The following OTUD7A variants were observed in gnomAD, a reference collection of about 807,000 sequenced individuals.
OTUD7A encodes OTU deubiquitinase 7A, also known as OTU domain-containing protein 7A.
A neutral mutation model predicts 65.7 loss-of-function variants in OTUD7A; 12 were observed. That is an observed-to-expected ratio of 0.18 (90% CI 0.12 to 0.30). The LOEUF (loss-of-function observed/expected upper bound fraction) is 0.30. Among genes scored for constraint, OTUD7A ranks in the 10% least tolerant of loss-of-function variants. The pLI, the probability that OTUD7A is intolerant of heterozygous loss-of-function variation, is 1.00. For missense variants in OTUD7A, 1,148 were observed against 1,304.8 expected (o/e 0.88, Z 1.85); for synonymous variants, 641 against 586.3 (o/e 1.09, Z -1.35).
intron 1 of OTUD7A, among the ~76,000 whole-genome samples, chr15:31,660,007 T>C (rs1892114403): frequency 6.6e-6 from 1 of 152,278 alleles, no homozygotes; most frequent in Admixed American, 6.5e-5. Flanking sequence ...CTCTTAGAAT[T>C]GCAGTAAGGA....
chr15:31,599,918 A>G (rs755123149), intron 3 of OTUD7A, among the ~76,000 whole-genome samples: 43 of 152,302 alleles, frequency 2.8e-4, no homozygotes, highest in Non-Finnish European at 5.6e-4. Context: ...TTAATGAAAT[A>G]AAGCAAGAAG....
chr15:31,525,240 G>C lies in OTUD7A; in HGVS notation c.893+1109C>G, dbSNP rs2041994640. ...AGGACTCGGGAGGCGTGCAGAGGAA[G>C]AGAGCAGTTTTCCACAGTCGACTGA... On this transcript the variant is annotated intron_variant, in intron 8 of 12. Coordinates refer to ENST00000307050, the MANE Select transcript of OTUD7A (RefSeq NM_001382637.1). Among the ~76,000 whole-genome samples, 4 of 152,350 alleles carry C rather than the reference G, an allele frequency of 2.6e-5. No individual in the cohort carries two copies. The South Asian group carries it at 8.3e-4, about 32-fold the overall frequency.
chr15:31,811,445 TTGTA>T (rs1232673001), intron 1 of OTUD7A, among the ~76,000 whole-genome samples: 7 of 151,814 alleles, frequency 4.6e-5, no homozygotes, highest in East Asian at 3.9e-4. Context: ...AGTGTGTGCT[TTGTA>T]TGTATGTATG....
At chr15:31,570,665 G>A (rs1353722136) in intron 3 of OTUD7A, among the ~76,000 whole-genome samples, 1 of 152,244 alleles carries the variant, frequency 6.6e-6, no homozygotes, top group East Asian at 1.9e-4. Flanking sequence ...GAGCGAAGCA[G>A]AAGCTTGGGA....
intron 7 of OTUD7A, among the ~76,000 whole-genome samples, chr15:31,526,667 G>C (rs1446218132): frequency 6.6e-6 from 1 of 152,242 alleles, no homozygotes; most frequent in Non-Finnish European, 1.5e-5. Flanking sequence ...TTCCAGAGCT[G>C]CTGGGAATCT....
chr15:31,586,887 G>T (rs1889556582), intron 3 of OTUD7A, among the ~76,000 whole-genome samples: 1 of 151,830 alleles, frequency 6.6e-6, no homozygotes, highest in Admixed American at 6.6e-5. Context: ...CCTCCTCCTG[G>T]CCTCTGCTTG....
chr15:31,536,838 G>A (rs1024392908), intron 5 of OTUD7A, among the ~76,000 whole-genome samples: 1 of 152,176 alleles, frequency 6.6e-6, no homozygotes, highest in African/African-American at 2.4e-5. Context: ...AGACTGGGAA[G>A]GGTGAGTGGT....
chr15:31,770,800 T>C (rs1441226112), intron 1 of OTUD7A, among the ~76,000 whole-genome samples: 1 of 152,124 alleles, frequency 6.6e-6, no homozygotes, highest in African/African-American at 2.4e-5. Flanking sequence ...AAACGCCAAA[T>C]AATAATCTCA....
chr15:31,514,133 A>G (rs189961978), intron 8 of OTUD7A, among the ~76,000 whole-genome samples: 54 of 148,632 alleles, frequency 3.6e-4, no homozygotes, highest in African/African-American at 1.3e-3. Flanking sequence ...AGCTCACTGC[A>G]GCCTCGAACT....
intron 5 of OTUD7A, among the ~76,000 whole-genome samples, chr15:31,536,331 T>C (rs1887802048): frequency 1.3e-5 from 2 of 152,236 alleles, no homozygotes; most frequent in Admixed American, 1.3e-4. Context: ...TGTTTAAAAA[T>C]TGCTTCAAGC....
intron 1 of OTUD7A, among the ~76,000 whole-genome samples, chr15:31,804,937 A>G (rs967224473): frequency 6.6e-6 from 1 of 152,240 alleles, no homozygotes; most frequent in Non-Finnish European, 1.5e-5. Flanking sequence ...AATAATGGGT[A>G]CAGCACATAA....
At chr15:31,578,574 C>G (rs991207894) in intron 3 of OTUD7A, among the ~76,000 whole-genome samples, 4 of 147,580 alleles carry the variant, frequency 2.7e-5, no homozygotes, top group African/African-American at 5.2e-5. Flanking sequence ...TTTTTTGAGA[C>G]AGAGTCTCAC....
chr15:31,570,681 T>C (rs1217737503), intron 3 of OTUD7A, among the ~76,000 whole-genome samples: 1 of 152,206 alleles, frequency 6.6e-6, no homozygotes, highest in Non-Finnish European at 1.5e-5. Flanking sequence ...TGGGAGGGAT[T>C]CTCTTGTTAG....
chr15:31,762,586 T>A (rs938453299), intron 1 of OTUD7A, among the ~76,000 whole-genome samples: 12 of 152,206 alleles, frequency 7.9e-5, no homozygotes, highest in African/African-American at 2.9e-4. Flanking sequence ...ATTATAGAAC[T>A]ATAGGACTAG....
chr15:31,743,366 A>G (rs1894392926), intron 1 of OTUD7A, among the ~76,000 whole-genome samples: 1 of 152,208 alleles, frequency 6.6e-6, no homozygotes, highest in African/African-American at 2.4e-5. Context: ...CTCATGAGAG[A>G]AAGGAAAAAC....
At chr15:31,692,518 TAGAAC>T (rs2080441751) in intron 1 of OTUD7A, among the ~76,000 whole-genome samples, 1 of 112,142 alleles carries the variant, frequency 8.9e-6, no homozygotes, top group Non-Finnish European at 2.0e-5. Flanking sequence ...AGGTAGAGAG[TAGAAC>T]AGTGTTTACC....
chr15:31,760,729 CAA>C (rs1322505059), intron 1 of OTUD7A, among the ~76,000 whole-genome samples: 1 of 151,976 alleles, frequency 6.6e-6, no homozygotes, highest in Admixed American at 6.5e-5. Context: ...TATGGAAATT[CAA>C]GGGATTGAGA....
rs144719333 is a variant in OTUD7A at position 31,498,826 on chromosome 15, T to C, written c.1171+2864A>G. On this transcript the variant is annotated intron_variant, in intron 10 of 12. Coordinates refer to ENST00000307050, the MANE Select transcript of OTUD7A (RefSeq NM_001382637.1). This position sits in a 1 kb window ranked among gnomAD's most constrained non-coding sequence, Gnocchi z 4.2. ...TTATCTAAAAAGTCCTAAGATAAAT[T>C]TGCAAAGCCTGGGCCACTGAGGTTG... 4.5e-4 allele frequency among the ~76,000 whole-genome samples: 69 copies of C among 152,304 alleles called. No homozygotes were observed. The East Asian group carries it at 0.013, about 29-fold the overall frequency.
At chr15:31,685,982 G>A (rs1398370254) in intron 1 of OTUD7A, among the ~76,000 whole-genome samples, 9 of 152,220 alleles carry the variant, frequency 5.9e-5, no homozygotes, top group African/African-American at 2.2e-4. Context: ...CAAGCCTTTT[G>A]TGAATTTATA....
Sources: gnomAD v4.1 joint callset for allele counts (sites outside exome capture counted in the v4.1 genomes callset) on GRCh38, gnomAD v4.1.1 for gene constraint, Gnocchi (gnomAD v3.1) non-coding constraint, MANE v1.5 for transcripts, NCBI Gene and HGNC (gene_info 2026-07-23, HGNC 2026-07-21) for gene names.